The following NAALADL2 variants were observed in gnomAD, a reference collection of about 807,000 sequenced individuals.
NAALADL2 encodes the protein inactive N-acetylated-alpha-linked acidic dipeptidase-like protein 2.
Under a neutral mutation model 87.2 loss-of-function variants are expected in NAALADL2, and 76 were observed. The observed-to-expected ratio is 0.87, with a 90% CI of 0.72 to 1.05. The LOEUF (loss-of-function observed/expected upper bound fraction) is 1.05, where lower values mean the gene tolerates loss of function less well. NAALADL2 is among the 50% of genes least tolerant of loss of function. The pLI is 0.00. For missense variants in NAALADL2, 1,089 were observed against 945.8 expected (o/e 1.15, Z -1.99); for synonymous variants, 354 against 331.0 (o/e 1.07, Z -0.75).
Position 175,591,977 on chromosome 3 carries a change from G to T in NAALADL2, c.1800+15790G>T, listed in dbSNP as rs1197851760. On this transcript the variant is annotated intron_variant, in intron 10 of 13. Coordinates refer to ENST00000454872, the MANE Select transcript of NAALADL2 (RefSeq NM_207015.3). The stretch of plus-strand genomic sequence containing the variant: ...GCTGTAGCTATCAAATGATAAATCA[G>T]AGAGGTAGTCATTTCAGCAGAGAGC... 2.6e-5 allele frequency among the ~76,000 whole-genome samples: 4 copies of T among 151,782 alleles called. No homozygotes were observed. In the East Asian group the frequency reaches 7.7e-4, roughly 29 times the overall value.
At chr3:174,702,167 C>A (rs548586868) in intron 2 of NAALADL2, among the ~76,000 whole-genome samples, 1 of 152,012 alleles carries the variant, frequency 6.6e-6, no homozygotes, top group South Asian at 2.1e-4. Context: ...TTTCTTTATT[C>A]ACTAATGATG....
intron 9 of NAALADL2, among the ~76,000 whole-genome samples, chr3:175,531,972 T>C (rs1734143151): frequency 6.6e-6 from 1 of 152,226 alleles, no homozygotes; most frequent in African/African-American, 2.4e-5. Flanking sequence ...TTTGATTTAC[T>C]ATTTTTCTAA....
intron 2 of NAALADL2, among the ~76,000 whole-genome samples, chr3:174,722,957 C>T (rs898877463): frequency 2.0e-5 from 3 of 152,082 alleles, no homozygotes; most frequent in East Asian, 1.9e-4. Flanking sequence ...ATCTTTTTTA[C>T]ATTATTAATT....
intron 13 of NAALADL2, among the ~76,000 whole-genome samples, chr3:175,787,314 C>G (rs552349428): frequency 0.025 from 3,699 of 149,688 alleles, 66 homozygotes; most frequent in South Asian, 0.046. Context: ...CCCCAGCCTT[C>G]CTGCTGCCTT....
At chr3:174,452,561 C>G (rs1715559084) in intron 1 of NAALADL2, among the ~76,000 whole-genome samples, 1 of 152,020 alleles carries the variant, frequency 6.6e-6, no homozygotes, top group Non-Finnish European at 1.5e-5. Flanking sequence ...AGCCCCAACC[C>G]CCGCCCACAC....
At chr3:175,422,385 ATAATCT>A (rs1474002872) in intron 5 of NAALADL2, among the ~76,000 whole-genome samples, 1 of 152,140 alleles carries the variant, frequency 6.6e-6, no homozygotes, top group African/African-American at 2.4e-5. Flanking sequence ...CATGAAATAG[ATAATCT>A]TAAAGCATAT....
chr3:175,295,518 A>G (rs1756205293), intron 4 of NAALADL2, among the ~76,000 whole-genome samples: 1 of 152,074 alleles, frequency 6.6e-6, no homozygotes, highest in African/African-American at 2.4e-5. Flanking sequence ...AAAAATTACT[A>G]AGGCTTTCAA....
At chr3:175,789,044 GTTTCT>G (rs1015525555) in intron 13 of NAALADL2, among the ~76,000 whole-genome samples, 5 of 151,868 alleles carry the variant, frequency 3.3e-5, no homozygotes, top group Non-Finnish European at 7.4e-5. Flanking sequence ...CTTCTTTAGA[GTTTCT>G]TTTGTTTTAT....
Position 174,590,983 on chromosome 3 carries a change from C to A in NAALADL2, c.-115+40346C>A, listed in dbSNP as rs963373884. Among the ~76,000 whole-genome samples the A allele has an allele frequency of 5.9e-5, 9 of 152,094 alleles. No homozygotes were observed. In the East Asian group the frequency reaches 1.7e-3, roughly 29 times the overall value. On this transcript the variant is annotated intron_variant, in intron 2 of 3. Coordinates refer to the NAALADL2 transcript ENST00000434257. ...TGAATCCAGAGAGGTGAACAGATTT[C>A]CCCTTCCTAATAATACAACCACAGC...
intron 9 of NAALADL2, among the ~76,000 whole-genome samples, chr3:175,475,261 G>A (rs965183418): frequency 1.3e-5 from 2 of 152,038 alleles, no homozygotes; most frequent in African/African-American, 4.8e-5. Context: ...TGTACAAAAA[G>A]ATGTACAGGT....
intron 2 of NAALADL2, among the ~76,000 whole-genome samples, chr3:174,603,425 T>C (rs1011537518): frequency 6.6e-6 from 1 of 152,086 alleles, no homozygotes; most frequent in African/African-American, 2.4e-5. Context: ...CTAATGATTC[T>C]TTGAATTTCT....
intron 1 of NAALADL2, among the ~76,000 whole-genome samples, chr3:174,871,955 C>T (rs921392799): frequency 6.6e-6 from 1 of 151,766 alleles, no homozygotes; most frequent in Non-Finnish European, 1.5e-5. Flanking sequence ...TAACATTATC[C>T]AGTGCTACTC....
At chr3:175,553,242 A>G (rs4632554) in intron 9 of NAALADL2, among the ~76,000 whole-genome samples, 99,115 of 152,020 alleles carry the variant, frequency 0.65, 33,340 homozygotes, top group East Asian at 0.87. Flanking sequence ...AGAACAGTCT[A>G]TACATTCTGG....
intron 3 of NAALADL2, among the ~76,000 whole-genome samples, chr3:174,771,106 A>G (rs1169929632): frequency 1.3e-5 from 2 of 152,274 alleles, no homozygotes; most frequent in African/African-American, 4.8e-5. Context: ...GTCTATTTCT[A>G]TTACTTTGAT....
chr3:175,701,877 GT>G (rs1739046010), intron 11 of NAALADL2, among the ~76,000 whole-genome samples: 2 of 151,906 alleles, frequency 1.3e-5, no homozygotes, highest in African/African-American at 4.8e-5. Flanking sequence ...CTGTCTTTTT[GT>G]TGCGAATTGC....
In NAALADL2 at chr3:174,892,661, C is replaced by T. The variant is rs755101979; in HGVS notation, c.43+33211C>T. On this transcript the variant is annotated intron_variant, in intron 1 of 13. Transcript: ENST00000454872. ...GTTATAGTTCCAATGCGGTGTCTCA[C>T]GCCTGTAATCCCAGCACTTAGGAAG... is the stretch of plus-strand genomic sequence containing the variant. Among the ~76,000 whole-genome samples, 10 of 152,038 alleles carry T rather than the reference C, an allele frequency of 6.6e-5. No individual in the cohort carries two copies. The East Asian group carries it at 7.7e-4, about 12-fold the overall frequency.
At chr3:175,704,084 C>T (rs184939632) in intron 11 of NAALADL2, among the ~76,000 whole-genome samples, 247 of 152,248 alleles carry the variant, frequency 1.6e-3, no homozygotes, top group Non-Finnish European at 2.4e-3. Context: ...TTTCTTTCCT[C>T]TTTTTCCAAA....
chr3:174,815,842 T>G (rs1269901438), intron 3 of NAALADL2, among the ~76,000 whole-genome samples: 29 of 149,500 alleles, frequency 1.9e-4, no homozygotes, highest in Admixed American at 1.3e-4. Flanking sequence ...TTTTTTTTTT[T>G]TTTTTTTTTT....
At chr3:174,672,223 T>C (rs1384885023) in intron 2 of NAALADL2, among the ~76,000 whole-genome samples, 1 of 152,090 alleles carries the variant, frequency 6.6e-6, no homozygotes, top group Non-Finnish European at 1.5e-5. Flanking sequence ...TTTGGTTCTC[T>C]ATACTTCATA....
Sources: gnomAD v4.1 joint callset for allele counts (sites outside exome capture counted in the v4.1 genomes callset) on GRCh38, gnomAD v4.1.1 for gene constraint, MANE v1.5 for transcripts, NCBI Gene and HGNC (gene_info 2026-07-23, HGNC 2026-07-21) for gene names.